The following PCSK5 variants were observed in gnomAD, a reference collection of about 807,000 sequenced individuals.
PCSK5 encodes prohormone convertase 5.
A neutral mutation model predicts 233.2 loss-of-function variants in PCSK5; 129 were observed. The ratio of observed to expected loss-of-function variants is 0.55; its 90% CI spans 0.48 to 0.64. The LOEUF (loss-of-function observed/expected upper bound fraction) is 0.64, where lower values mean the gene tolerates loss of function less well. Ranked by LOEUF, PCSK5 falls within the 30% of genes least tolerant of loss-of-function variation. The probability of loss-of-function intolerance (pLI) is 0.00; values close to 1 mark genes in which losing one functional copy is unlikely to be tolerated. For missense variants in PCSK5, 2,076 were observed against 2,430.1 expected (o/e 0.85, Z 3.06); for synonymous variants, 825 against 879.2 (o/e 0.94, Z 1.09).
Position 76,107,851 on chromosome 9 carries a change from G to C in PCSK5, c.1208+500G>C, listed in dbSNP as rs375321407. Reference sequence around the variant, plus strand: ...GTATAGTCAAATTCTATGTCAAAAAGATTACTGTGAAAGACCCCTTTAGGC... The same window carrying C: ...GTATAGTCAAATTCTATGTCAAAAACATTACTGTGAAAGACCCCTTTAGGC... On this transcript the variant is annotated intron_variant, in intron 9 of 37. Coordinates refer to ENST00000674117, the MANE Select transcript of PCSK5 (RefSeq NM_001372043.1). 4.5e-4 allele frequency among the ~76,000 whole-genome samples: 69 copies of C among 152,268 alleles called. 1 individual carries two copies. The South Asian group carries it at 0.014, about 30-fold the overall frequency.
At chr9:76,046,909 C>T (rs1304378556) in intron 5 of PCSK5, among the ~76,000 whole-genome samples, 2 of 152,182 alleles carry the variant, frequency 1.3e-5, no homozygotes, top group Non-Finnish European at 1.5e-5. Flanking sequence ...CACACTTCTT[C>T]TCTTGGGGAT....
At chr9:75,890,624 TA>T (rs1825545631), upstream of PCSK5, 2 of 152,450 alleles carry the variant, frequency 1.3e-5, no homozygotes, top group Middle Eastern at 3.3e-3. Flanking sequence ...GGAGGGGTGT[TA>T]AGGGGGGCGG....
intron 14 of PCSK5, among the ~76,000 whole-genome samples, chr9:76,178,681 AT>A (rs1444554837): frequency 1.3e-5 from 2 of 152,202 alleles, no homozygotes; most frequent in Non-Finnish European, 2.9e-5. Context: ...TTGACTTACT[AT>A]TTGTACATTT....
At chr9:76,281,969 A>G (rs1827880082) in intron 24 of PCSK5, among the ~76,000 whole-genome samples, 1 of 152,028 alleles carries the variant, frequency 6.6e-6, no homozygotes, top group East Asian at 1.9e-4. Context: ...TGAGAAAGAC[A>G]CTGTGTATGG....
At chr9:75,897,972 A>G (rs565441184) in intron 1 of PCSK5, among the ~76,000 whole-genome samples, 2 of 152,320 alleles carry the variant, frequency 1.3e-5, no homozygotes, top group Non-Finnish European at 2.9e-5. Flanking sequence ...AAACAAGCAG[A>G]TAAGCGTACT....
At chr9:76,145,818 A>G (rs549196170) in intron 10 of PCSK5, among the ~76,000 whole-genome samples, 2 of 152,316 alleles carry the variant, frequency 1.3e-5, no homozygotes, top group South Asian at 2.1e-4. Flanking sequence ...AGCCTATCCT[A>G]TTTTGTTATC....
chr9:76,335,567 T>C (rs938649637), intron 34 of PCSK5, among the ~76,000 whole-genome samples: 2 of 152,210 alleles, frequency 1.3e-5, no homozygotes, highest in Admixed American at 1.3e-4. Context: ...TCTTCAAGGC[T>C]GGGAGGCTCA....
intron 2 of PCSK5, among the ~76,000 whole-genome samples, chr9:75,940,280 A>T (rs10781315): frequency 3.3e-5 from 5 of 152,118 alleles, no homozygotes; most frequent in African/African-American, 1.2e-4. Flanking sequence ...CCATTTCTCT[A>T]TAATAGTTCT....
At chr9:76,246,771 A>G (rs1389018175) in intron 24 of PCSK5, among the ~76,000 whole-genome samples, 1 of 152,232 alleles carries the variant, frequency 6.6e-6, no homozygotes, top group Non-Finnish European at 1.5e-5. Flanking sequence ...GATCCGTATG[A>G]ACTGATGGTG....
chr9:75,892,711 G>T (rs1407316609), intron 1 of PCSK5, among the ~76,000 whole-genome samples: 1 of 152,250 alleles, frequency 6.6e-6, no homozygotes, highest in African/African-American at 2.4e-5. Flanking sequence ...GGCACCTGGA[G>T]AGGAGGCAGA....
chr9:75,962,923 A>G (rs987090842), intron 2 of PCSK5, among the ~76,000 whole-genome samples: 2 of 152,172 alleles, frequency 1.3e-5, no homozygotes, highest in Non-Finnish European at 2.9e-5. Flanking sequence ...TGGGTTCTGG[A>G]GTCAGATCTT....
intron 1 of PCSK5, among the ~76,000 whole-genome samples, chr9:75,915,517 A>G (rs1272351181): frequency 6.6e-6 from 1 of 152,198 alleles, no homozygotes; most frequent in African/African-American, 2.4e-5. Context: ...AACCTATTTC[A>G]CAACTTAGTG....
chr9:76,010,677 A>C (rs1827692363), intron 3 of PCSK5, among the ~76,000 whole-genome samples: 2 of 152,196 alleles, frequency 1.3e-5, no homozygotes, highest in Admixed American at 1.3e-4. Context: ...ACTGTCAGAC[A>C]TGAGGATGTT....
At chr9:76,153,758 C>T (rs187955720) in intron 10 of PCSK5, among the ~76,000 whole-genome samples, 23 of 152,216 alleles carry the variant, frequency 1.5e-4, no homozygotes, top group Admixed American at 5.2e-4. Context: ...CCCTGGTAAA[C>T]GCTTTATGAC....
chr9:75,908,028 G>GA (rs1822481542), intron 1 of PCSK5, among the ~76,000 whole-genome samples: 1 of 152,216 alleles, frequency 6.6e-6, no homozygotes, highest in African/African-American at 2.4e-5. Flanking sequence ...GCAGACTCTA[G>GA]AACAAACAGT....
At chr9:76,006,373 T>C (rs1827479932) in intron 3 of PCSK5, among the ~76,000 whole-genome samples, 1 of 152,182 alleles carries the variant, frequency 6.6e-6, no homozygotes, top group South Asian at 2.1e-4. Flanking sequence ...GGCCCATTCC[T>C]TGTTCTTTTG....
intron 3 of PCSK5, among the ~76,000 whole-genome samples, chr9:76,022,212 G>A (rs1828223812): frequency 6.6e-6 from 1 of 152,174 alleles, no homozygotes. Flanking sequence ...TTATTTGGTG[G>A]TTTATCTTCT....
intron 24 of PCSK5, among the ~76,000 whole-genome samples, chr9:76,244,559 TGG>T (rs201802517): frequency 3.0e-5 from 3 of 99,146 alleles, no homozygotes; most frequent in African/African-American, 8.4e-5. Context: ...TTGAAAATCC[TGG>T]GGTTTTTTTT....
intron 30 of PCSK5, among the ~76,000 whole-genome samples, chr9:76,312,581 A>C (rs980828651): frequency 1.3e-5 from 2 of 152,016 alleles, no homozygotes; most frequent in Non-Finnish European, 2.9e-5. Flanking sequence ...CATTACTGAG[A>C]TAGACTCTAT....
Sources: allele counts gnomAD v4.1 joint callset (sites outside exome capture counted in the v4.1 genomes callset), GRCh38; gene constraint gnomAD v4.1.1; transcripts MANE v1.5; gene names NCBI Gene and HGNC (gene_info 2026-07-23, HGNC 2026-07-21).